Variants in PODXL2 observed in about 807,000 individuals in gnomAD.
The protein encoded by PODXL2 is podocalyxin-like protein 2.
A neutral mutation model predicts 53.4 loss-of-function variants in PODXL2; 17 were observed. The observed-to-expected ratio is 0.32, with a 90% CI of 0.22 to 0.48. The LOEUF (loss-of-function observed/expected upper bound fraction) is 0.48. Ranked by LOEUF, PODXL2 falls within the 20% of genes least tolerant of loss-of-function variation. The pLI, the probability that PODXL2 is intolerant of heterozygous loss-of-function variation, is 0.99. For missense variants in PODXL2, 673 were observed against 760.0 expected (o/e 0.89, Z 1.35); for synonymous variants, 311 against 306.7 (o/e 1.01, Z -0.15).
At chr3:127,654,678 G>T (rs555991314) in intron 2 of PODXL2, among the ~76,000 whole-genome samples, 5 of 152,252 alleles carry the variant, frequency 3.3e-5, no homozygotes, top group South Asian at 2.1e-4. Flanking sequence ...GTTACATTCG[G>T]TATAAAAAAT....
intron 2 of PODXL2, among the ~76,000 whole-genome samples, chr3:127,646,473 C>T (rs1460400836): frequency 2.0e-5 from 3 of 151,954 alleles, no homozygotes; most frequent in East Asian, 1.9e-4. Context: ...CTGCAACCTC[C>T]GCCTCCCAGG....
In PODXL2 at chr3:127,639,372, G is replaced by A. The variant is rs771664254; in HGVS notation, c.198G>A (p.Glu66=). 1 of 1,614,224 alleles carries A rather than the reference G, an allele frequency of 6.2e-7. No homozygotes were observed. Among genetic ancestry groups the A allele is most frequent in the African/African-American group, 1.3e-5 (1 of 75,080 alleles). The change falls in exon 2 of 8, where the codon GAG becomes GAA. Residue 66 remains glutamate, a synonymous_variant. Transcript: ENST00000342480. The part of the protein sequence containing the change: ...LEPLDSEEPS[E]TMGLGAGLGA... ...CACTGGACTCAGAGGAGCCTAGTGA[G>A]ACCATGGGCCTGGGAGCTGGGCTGG... is the stretch of plus-strand genomic sequence containing the variant.
chr3:127,640,523 AAACCCT>A (rs1057421771), intron 2 of PODXL2, among the ~76,000 whole-genome samples: 4 of 152,072 alleles, frequency 2.6e-5, no homozygotes, highest in Non-Finnish European at 1.5e-5. Context: ...CAACATGGTG[AAACCCT>A]GTCTCCACTA....
At chr3:127,646,194 G>A (rs1576429092) in intron 2 of PODXL2, among the ~76,000 whole-genome samples, 1 of 152,136 alleles carries the variant, frequency 6.6e-6, no homozygotes, top group East Asian at 1.9e-4. Context: ...CCATTTAGCT[G>A]ATAAGCAAAC....
chr3:127,657,096 C>T (rs1301033939), intron 2 of PODXL2, among the ~76,000 whole-genome samples: 7 of 152,158 alleles, frequency 4.6e-5, no homozygotes, highest in South Asian at 2.1e-4. Context: ...CCACTGCGTG[C>T]GCAGATAAGT....
chr3:127,657,153 G>A (rs915759599), intron 2 of PODXL2, among the ~76,000 whole-genome samples: 2 of 152,204 alleles, frequency 1.3e-5, no homozygotes, highest in Non-Finnish European at 2.9e-5. Flanking sequence ...GACTGATGAT[G>A]CATCTCTGAG....
intron 1 of PODXL2, among the ~76,000 whole-genome samples, chr3:127,630,207 G>A (rs1311399035): frequency 6.6e-6 from 1 of 152,164 alleles, no homozygotes; most frequent in Non-Finnish European, 1.5e-5. Flanking sequence ...GTCTGCAAAG[G>A]TGGGTCAAAT....
At chr3:127,642,623 C>A (rs1468151737) in intron 2 of PODXL2, among the ~76,000 whole-genome samples, 1 of 152,042 alleles carries the variant, frequency 6.6e-6, no homozygotes, top group Admixed American at 6.6e-5. Context: ...TTCTCTCTTT[C>A]CCTTGTCAGT....
chr3:127,630,254 G>A (rs1256676175), intron 1 of PODXL2, among the ~76,000 whole-genome samples: 2 of 152,324 alleles, frequency 1.3e-5, no homozygotes, highest in East Asian at 3.9e-4. Flanking sequence ...CACACTGGCA[G>A]AGCAGAGGGA....
chr3:127,635,613 G>C (rs1004304112), intron 1 of PODXL2, among the ~76,000 whole-genome samples: 2 of 152,170 alleles, frequency 1.3e-5, no homozygotes, highest in Non-Finnish European at 2.9e-5. Flanking sequence ...CTTAAGATCT[G>C]ATCCCTGGAC....
At chr3:127,652,381 A>T (rs1038027671) in intron 2 of PODXL2, among the ~76,000 whole-genome samples, 2 of 152,120 alleles carry the variant, frequency 1.3e-5, no homozygotes, top group African/African-American at 4.8e-5. Flanking sequence ...TGCCATTCCC[A>T]GCAGTTCTGG....
intron 7 of PODXL2, 84 bp downstream of exon 7, chr3:127,671,697 G>C: frequency 2.3e-6 from 3 of 1,329,790 alleles, no homozygotes; most frequent in Non-Finnish European, 3.2e-6. Flanking sequence ...AGGGGAGGCA[G>C]TGACTCTCCT....
chr3:127,647,735 A>C (rs1410710102), intron 2 of PODXL2, among the ~76,000 whole-genome samples: 1 of 152,138 alleles, frequency 6.6e-6, no homozygotes, highest in Non-Finnish European at 1.5e-5. Context: ...GTAGCTCCAC[A>C]CTGTCGTCCC....
chr3:127,629,979 C>T lies in PODXL2; in HGVS notation c.70+690C>T, dbSNP rs2107701200. ...ACTCAGATGTGTGGTTTCCATTCAG[C>T]AGCCACGCCGGGCGGCGGGCTGTGT... On this transcript the variant is annotated intron_variant, in intron 1 of 7. Transcript: ENST00000342480. This position sits in a 1 kb window ranked among gnomAD's most constrained non-coding sequence, Gnocchi z 6.4. Among the ~76,000 whole-genome samples, 1 of 152,236 alleles carries T rather than the reference C, an allele frequency of 6.6e-6. No individual in the cohort carries two copies. The highest frequency in any genetic ancestry group is 1.5e-5 in the Non-Finnish European group (1 of 68,012).
At chr3:127,663,077 CTGTTT>C (rs1258799004) in intron 4 of PODXL2, among the ~76,000 whole-genome samples, 1 of 152,232 alleles carries the variant, frequency 6.6e-6, no homozygotes, top group Non-Finnish European at 1.5e-5. Flanking sequence ...CAGAGACCCT[CTGTTT>C]TATCTTTTTT....
intron 2 of PODXL2, among the ~76,000 whole-genome samples, chr3:127,647,127 C>G (rs904922745): frequency 6.6e-6 from 1 of 152,118 alleles, no homozygotes; most frequent in Non-Finnish European, 1.5e-5. Flanking sequence ...TGGCTTCAGT[C>G]TCTTCATCTG....
Position 127,637,084 on chromosome 3 carries a change from A to C in PODXL2, c.71-2161A>C, listed in dbSNP as rs186151701. 7.1e-3 allele frequency among the ~76,000 whole-genome samples: 1,076 copies of C among 152,234 alleles called. 13 individuals carry two copies. The highest frequency in any genetic ancestry group is 0.021 in the South Asian group (99 of 4,822). On this transcript the variant is annotated intron_variant, in intron 1 of 7. Coordinates refer to ENST00000342480, the MANE Select transcript of PODXL2 (RefSeq NM_015720.4). Reference sequence around the variant, plus strand: ...GTGATCCGCCCGCCTCGGCCTCCCAAAGTGCTGGGATTTACAGGTGTGAGC... The same window carrying C: ...GTGATCCGCCCGCCTCGGCCTCCCACAGTGCTGGGATTTACAGGTGTGAGC...
In PODXL2 at chr3:127,662,744, G is replaced by A. The variant is rs553145479; in HGVS notation, c.1206+433G>A. On this transcript the variant is annotated intron_variant, in intron 4 of 7. Coordinates refer to ENST00000342480, the MANE Select transcript of PODXL2 (RefSeq NM_015720.4). ...TCGAAAAAGTGGCTGGAAGCTTTGA[G>A]CATAGTGCTAGGGTTGTCAGCTATG... Among the ~76,000 whole-genome samples the A allele has an allele frequency of 2.0e-5, 3 of 152,326 alleles. No homozygotes were observed. The East Asian group carries it at 5.8e-4, about 29-fold the overall frequency.
chr3:127,666,226 T>G (rs1247223603), intron 4 of PODXL2, among the ~76,000 whole-genome samples: 13 of 152,180 alleles, frequency 8.5e-5, no homozygotes, highest in Admixed American at 8.5e-4. Flanking sequence ...AAGGAACTTT[T>G]TTTGTTTTCC....
Sources: allele counts gnomAD v4.1 joint callset (sites outside exome capture counted in the v4.1 genomes callset), GRCh38; gene constraint gnomAD v4.1.1; non-coding constraint Gnocchi (gnomAD v3.1); transcripts MANE v1.5; gene names NCBI Gene and HGNC (gene_info 2026-07-23, HGNC 2026-07-21).